The following EPHA3 variants were observed in gnomAD, a reference collection of about 807,000 sequenced individuals.
EPHA3 encodes EPH receptor A3.
In EPHA3, 42 loss-of-function variants were observed where a neutral mutation model predicts 107.1. The ratio of observed to expected loss-of-function variants is 0.39; its 90% CI spans 0.31 to 0.51. The LOEUF (loss-of-function observed/expected upper bound fraction) is 0.51. Among genes scored for constraint, EPHA3 ranks in the 20% least tolerant of loss-of-function variants. The pLI is 0.78. For missense variants in EPHA3, 1,183 were observed against 1,211.2 expected, an observed-to-expected ratio of 0.98 and a Z score of 0.35; for synonymous variants, 461 against 424.8, an observed-to-expected ratio of 1.09 and a Z score of -1.05.
chr3:89,455,628 C>T (rs998559047), intron 15 of EPHA3, among the ~76,000 whole-genome samples: 3 of 152,152 alleles, frequency 2.0e-5, no homozygotes, highest in South Asian at 2.1e-4. Flanking sequence ...TTTAACCTTT[C>T]GACTTGTGCC....
At chr3:89,115,779 T>C (rs1707240851) in intron 1 of EPHA3, among the ~76,000 whole-genome samples, 1 of 152,168 alleles carries the variant, frequency 6.6e-6, no homozygotes, top group African/African-American at 2.4e-5. Flanking sequence ...TGGATCATAA[T>C]AAAGCGGTAA....
intron 5 of EPHA3, among the ~76,000 whole-genome samples, chr3:89,380,001 A>G (rs1243746850): frequency 1.3e-5 from 2 of 152,142 alleles, no homozygotes; most frequent in Non-Finnish European, 2.9e-5. Context: ...TCTCTATTGC[A>G]CTTTGGGTGG....
At chr3:89,442,575 G>A (rs1189932766) in intron 13 of EPHA3, among the ~76,000 whole-genome samples, 1 of 152,160 alleles carries the variant, frequency 6.6e-6, no homozygotes, top group Non-Finnish European at 1.5e-5. Context: ...GCACAGGACA[G>A]CCGTCACAGC....
chr3:89,326,658 A>G (rs879822947), intron 3 of EPHA3, among the ~76,000 whole-genome samples: 5 of 151,718 alleles, frequency 3.3e-5, no homozygotes, highest in Non-Finnish European at 7.4e-5. Context: ...CTAAAGTGCT[A>G]AGATTTCAGG....
intron 3 of EPHA3, among the ~76,000 whole-genome samples, chr3:89,328,699 G>A (rs1707224862): frequency 1.3e-5 from 2 of 151,992 alleles, no homozygotes. Context: ...CTTAAATCTT[G>A]GGATAAACAG....
intron 12 of EPHA3, among the ~76,000 whole-genome samples, chr3:89,430,120 A>T (rs181451239): frequency 6.6e-6 from 1 of 152,184 alleles, no homozygotes; most frequent in Non-Finnish European, 1.5e-5. Context: ...ATTTACATCT[A>T]TTTCAACAAA....
chr3:89,416,380 A>C (rs1709247821), intron 10 of EPHA3, among the ~76,000 whole-genome samples: 1 of 151,420 alleles, frequency 6.6e-6, no homozygotes, highest in Admixed American at 6.6e-5. Context: ...ACAATATAAA[A>C]CTTGGCCAGA....
At chr3:89,148,190 A>G (rs1276205687) in intron 2 of EPHA3, among the ~76,000 whole-genome samples, 1 of 151,970 alleles carries the variant, frequency 6.6e-6, no homozygotes, top group Non-Finnish European at 1.5e-5. Flanking sequence ...TTTAAAATGT[A>G]TTATTGGAAA....
At chr3:89,351,950 GGAA>G (rs1707833074) in intron 5 of EPHA3, among the ~76,000 whole-genome samples, 1 of 148,430 alleles carries the variant, frequency 6.7e-6, no homozygotes, top group Non-Finnish European at 1.5e-5. Context: ...AAGTGGAGAA[GGAA>G]GAAGACCAAC....
intron 3 of EPHA3, among the ~76,000 whole-genome samples, chr3:89,321,508 A>G (rs1707043171): frequency 6.6e-6 from 1 of 152,058 alleles, no homozygotes; most frequent in South Asian, 2.1e-4. Flanking sequence ...CTTCCTTTAA[A>G]TGTCTGCTAT....
At chr3:89,429,056 A>G in intron 11 of EPHA3, 50 bp from the exon 12 acceptor site, 2 of 1,293,606 alleles carry the variant, frequency 1.5e-6, no homozygotes, top group Non-Finnish European at 2.2e-6. Flanking sequence ...TGTTCATTGT[A>G]TAATACTTGA....
intron 2 of EPHA3, among the ~76,000 whole-genome samples, chr3:89,181,315 A>G (rs1705437824): frequency 6.6e-6 from 1 of 152,022 alleles, no homozygotes; most frequent in South Asian, 2.1e-4. Flanking sequence ...TATATTAAAT[A>G]AATGAATACT....
intron 5 of EPHA3, among the ~76,000 whole-genome samples, chr3:89,369,658 G>A (rs899764857): frequency 4.0e-5 from 6 of 148,458 alleles, no homozygotes; most frequent in Non-Finnish European, 6.0e-5. Context: ...TGACAAATGG[G>A]ATCTAATTAA....
chr3:89,210,735 G>A (rs1706257894), intron 3 of EPHA3, among the ~76,000 whole-genome samples: 1 of 152,036 alleles, frequency 6.6e-6, no homozygotes, highest in African/African-American at 2.4e-5. Flanking sequence ...TACAGTGCTG[G>A]CCTGCACCCT....
chr3:89,269,538 G>A (rs1276713721), intron 3 of EPHA3, among the ~76,000 whole-genome samples: 1 of 151,656 alleles, frequency 6.6e-6, no homozygotes, highest in Non-Finnish European at 1.5e-5. Context: ...CTCCTACCTT[G>A]GACTCCCAGA....
chr3:89,232,866 A>G (rs1270823769), intron 3 of EPHA3, among the ~76,000 whole-genome samples: 2 of 152,188 alleles, frequency 1.3e-5, no homozygotes, highest in Non-Finnish European at 2.9e-5. Flanking sequence ...CCAAAATTAG[A>G]AAGATAACAG....
chr3:89,187,914 C>A (rs1705610877), intron 2 of EPHA3, among the ~76,000 whole-genome samples: 1 of 152,100 alleles, frequency 6.6e-6, no homozygotes, highest in Non-Finnish European at 1.5e-5. Context: ...CTAAAAATCT[C>A]TTAGCACCAC....
intron 2 of EPHA3, among the ~76,000 whole-genome samples, chr3:89,160,661 T>C (rs1704914789): frequency 6.6e-6 from 1 of 151,812 alleles, no homozygotes; most frequent in Middle Eastern, 3.4e-3. Flanking sequence ...ACTTGTATCT[T>C]TTTAATTGTC....
chr3:89,150,567 A>C (rs1039394403), intron 2 of EPHA3, among the ~76,000 whole-genome samples: 1 of 152,038 alleles, frequency 6.6e-6, no homozygotes, highest in Non-Finnish European at 1.5e-5. Flanking sequence ...TTAAAAATTC[A>C]TATAACTTCC....
Sources: allele counts gnomAD v4.1 joint callset (sites outside exome capture counted in the v4.1 genomes callset), GRCh38; gene constraint gnomAD v4.1.1; transcripts MANE v1.5; gene names NCBI Gene and HGNC (gene_info 2026-07-23, HGNC 2026-07-21).